Variants in DIP2C observed in about 807,000 individuals in gnomAD.
The protein encoded by DIP2C is disco-interacting protein 2 homolog C.
A neutral mutation model predicts 192.4 loss-of-function variants in DIP2C; 33 were observed. The ratio of observed to expected loss-of-function variants is 0.17; its 90% CI spans 0.13 to 0.23. DIP2C has a LOEUF of 0.23. DIP2C is among the 10% of genes least tolerant of loss of function. DIP2C has a pLI of 1.00. For missense variants in DIP2C, 1,537 were observed against 2,110.1 expected (o/e 0.73, Z 5.32); for synonymous variants, 979 against 864.1 (o/e 1.13, Z -2.33).
Position 362,613 on chromosome 10 carries a change from C to T in DIP2C, c.2671G>A (p.Gly891Ser). 6.2e-7 allele frequency: 1 copy of T among 1,614,158 alleles called. No homozygotes were observed. Among genetic ancestry groups the T allele is most frequent in the Non-Finnish European group, 8.5e-7 (1 of 1,180,022 alleles). ...TTTGTTTCTGATAAATGGATCCCAC[C>T]AAGCGGGGTTTTGGGGAGGGTGTTT... Reference protein sequence around the residue: ...PANTLPKTPLGGIHLSETKQL... With the variant: ...PANTLPKTPLSGIHLSETKQL... The change falls in exon 22 of 37, where the codon GGT becomes AGT. Residue 891 changes from glycine (G) to serine (S), a missense_variant. Around this residue, in one of 4 missense-constraint regions of DIP2C, gnomAD observed 677 missense variants for 989.9 expected, o/e 0.68. Coordinates refer to ENST00000280886, the MANE Select transcript of DIP2C (RefSeq NM_014974.3).
intron 1 of DIP2C, among the ~76,000 whole-genome samples, chr10:589,071 C>T (rs759360401): frequency 6.6e-6 from 1 of 152,152 alleles, no homozygotes; most frequent in Non-Finnish European, 1.5e-5. Context: ...ATGCACATCT[C>T]GCTGAAACCA....
At chr10:512,624 G>T (rs561806538) in intron 1 of DIP2C, among the ~76,000 whole-genome samples, 1 of 151,904 alleles carries the variant, frequency 6.6e-6, no homozygotes, top group African/African-American at 2.4e-5. Flanking sequence ...CATCATTATA[G>T]AAAGGAGCTG....
chr10:491,276 G>C (rs887719529), intron 1 of DIP2C, among the ~76,000 whole-genome samples: 4 of 152,214 alleles, frequency 2.6e-5, no homozygotes, highest in African/African-American at 7.2e-5. Context: ...ACTCGGCAGT[G>C]GCGGTTTCCA....
chr10:401,217 T>C (rs945842077), intron 9 of DIP2C, among the ~76,000 whole-genome samples: 1 of 151,670 alleles, frequency 6.6e-6, no homozygotes, highest in African/African-American at 2.4e-5. Context: ...CTCTTCCTTA[T>C]GGACAAGTTT....
chr10:412,205 T>C (rs1965231383), intron 8 of DIP2C, among the ~76,000 whole-genome samples: 2 of 152,226 alleles, frequency 1.3e-5, no homozygotes, highest in Non-Finnish European at 2.9e-5. Context: ...AACTGTGTCT[T>C]ATTGTCTTTG....
chr10:551,784 G>A (rs1430934243), intron 1 of DIP2C, among the ~76,000 whole-genome samples: 2 of 152,188 alleles, frequency 1.3e-5, no homozygotes, highest in African/African-American at 4.8e-5. Flanking sequence ...GTCAACTCCA[G>A]GCTCCTCAGA....
chr10:510,465 C>T (rs1250268664), intron 1 of DIP2C, among the ~76,000 whole-genome samples: 1 of 152,242 alleles, frequency 6.6e-6, no homozygotes, highest in Non-Finnish European at 1.5e-5. Context: ...TGTGGACCAG[C>T]AACGCTCTTT....
chr10:348,833 C>T, intron 25 of DIP2C, 71 bp from the exon 26 acceptor site: 1 of 1,574,464 alleles, frequency 6.4e-7, no homozygotes, highest in Non-Finnish European at 8.6e-7. Context: ...CTGTCAGCAT[C>T]AATGCTTGTC....
intron 2 of DIP2C, among the ~76,000 whole-genome samples, chr10:483,813 A>G (rs1376272995): frequency 6.6e-6 from 1 of 151,286 alleles, no homozygotes; most frequent in African/African-American, 2.4e-5. Context: ...CTATGACTTC[A>G]TTTTACCAAT....
chr10:604,256 T>A (rs572147803), intron 1 of DIP2C, among the ~76,000 whole-genome samples: 64 of 152,282 alleles, frequency 4.2e-4, no homozygotes, highest in Non-Finnish European at 5.7e-4. Flanking sequence ...AAGTCCATTA[T>A]AATGACGTAA....
intron 1 of DIP2C, among the ~76,000 whole-genome samples, chr10:598,982 A>G (rs1175643138): frequency 1.3e-5 from 2 of 152,270 alleles, no homozygotes; most frequent in Non-Finnish European, 2.9e-5. Context: ...TTTGAGGCAC[A>G]GGCACGGCCC....
At chr10:529,166 C>G (rs1847234117) in intron 1 of DIP2C, among the ~76,000 whole-genome samples, 1 of 152,214 alleles carries the variant, frequency 6.6e-6, no homozygotes, top group South Asian at 2.1e-4. Context: ...GCCCCCATCT[C>G]ATAGATGGGA....
intron 18 of DIP2C, among the ~76,000 whole-genome samples, chr10:366,658 G>A (rs910883386): frequency 4.0e-5 from 6 of 149,072 alleles, no homozygotes. Flanking sequence ...ATGTTAATGC[G>A]CAAGTTGTAT....
chr10:362,695 G>A lies in DIP2C; in HGVS notation c.2593-4C>T. 1.3e-6 allele frequency: 2 copies of A among 1,600,004 alleles called. No individual in the cohort carries two copies. Among genetic ancestry groups the A allele is most frequent in the South Asian group, 1.1e-5 (1 of 89,502 alleles). Reference sequence around the variant, plus strand: ...CTTGATGTATACTGTCAATCGCCTAGAAAGTTAATAAAGAGGAAATCATGT... The same window carrying A: ...CTTGATGTATACTGTCAATCGCCTAAAAAGTTAATAAAGAGGAAATCATGT... On this transcript the variant is annotated splice_polypyrimidine_tract_variant and splice_region_variant and intron_variant, in intron 21 of 36. Coordinates refer to ENST00000280886, the MANE Select transcript of DIP2C (RefSeq NM_014974.3).
chr10:373,150 G>C (rs1170601612), intron 17 of DIP2C, among the ~76,000 whole-genome samples: 2 of 152,300 alleles, frequency 1.3e-5, no homozygotes, highest in Admixed American at 6.5e-5. Flanking sequence ...CTGAGTGCCC[G>C]CCCCTCCCTG....
At position 545,166 on chromosome 10, in the gene DIP2C, C is replaced by CCTT. The variant is rs1554896881; in HGVS notation, c.86-58637_86-58636insAAG. On this transcript the variant is annotated intron_variant, in intron 1 of 36. Coordinates refer to ENST00000280886, the MANE Select transcript of DIP2C (RefSeq NM_014974.3). Reference sequence around the variant, plus strand: ...TGATCCAACATGACTGGTGTTTTCCCTTTTTTTTTTTTTTTTTTTTTTTGA... The same window carrying CCTT: ...TGATCCAACATGACTGGTGTTTTCCCCTTTTTTTTTTTTTTTTTTTTTTTTTGA... Among the ~76,000 whole-genome samples, 134 of 86,322 alleles carry CCTT rather than the reference C, an allele frequency of 1.6e-3. 3 individuals carry two copies. Among genetic ancestry groups the CCTT allele is most frequent in the African/African-American group, 5.5e-3 (96 of 17,594 alleles). 56.6% of individuals were successfully genotyped at this position (86,322 alleles called of 152,430 possible).
intron 1 of DIP2C, among the ~76,000 whole-genome samples, chr10:559,048 G>C (rs2130987199): frequency 6.6e-6 from 1 of 151,698 alleles, no homozygotes; most frequent in East Asian, 1.9e-4. Context: ...TCAAGGTCTT[G>C]CAAGTTTAAC....
At chr10:591,461 C>CA (rs1322520522) in intron 1 of DIP2C, among the ~76,000 whole-genome samples, 1 of 152,184 alleles carries the variant, frequency 6.6e-6, no homozygotes, top group Admixed American at 6.5e-5. Flanking sequence ...CTCTCACACC[C>CA]ACTCCCCTAT....
intron 1 of DIP2C, chr10:668,916 G>A (rs1857277844): frequency 6.6e-6 from 1 of 152,148 alleles, no homozygotes; most frequent in South Asian, 2.1e-4. Context: ...CAGGGGCCAG[G>A]AGCCTCAGTC....
Sources: allele counts gnomAD v4.1 joint callset (sites outside exome capture counted in the v4.1 genomes callset), GRCh38; gene constraint gnomAD v4.1.1; regional missense constraint gnomAD v4.1.1; transcripts MANE v1.5; gene names NCBI Gene and HGNC (gene_info 2026-07-23, HGNC 2026-07-21).